GRIA4: variants seen among roughly 807,000 people sequenced by gnomAD.
GRIA4 encodes the protein glutamate ionotropic receptor AMPA type subunit 4.
Under a neutral mutation model 104.0 loss-of-function variants are expected in GRIA4, and 34 were observed. The ratio of observed to expected loss-of-function variants is 0.33; its 90% confidence interval spans 0.25 to 0.44. GRIA4 has a LOEUF of 0.44. Ranked by LOEUF, GRIA4 falls within the 20% of genes least tolerant of loss-of-function variation. The probability of loss-of-function intolerance (pLI) is 1.00; values close to 1 mark genes in which losing one functional copy is unlikely to be tolerated. For synonymous variants in GRIA4, 386 were observed against 381.9 expected (o/e 1.01, Z -0.13); for missense variants, 750 against 1,096.5 (o/e 0.68, Z 4.46).
At chr11:105,806,694 T>A (rs1942966427) in intron 4 of GRIA4, among the ~76,000 whole-genome samples, 1 of 151,692 alleles carries the variant, frequency 6.6e-6, no homozygotes, top group Non-Finnish European at 1.5e-5. Flanking sequence ...GTGAGCTTTT[T>A]AGTGCCTTAT....
At chr11:105,779,055 G>A (rs1355639891) in intron 4 of GRIA4, among the ~76,000 whole-genome samples, 18 of 149,520 alleles carry the variant, frequency 1.2e-4, no homozygotes, top group Non-Finnish European at 2.5e-4. Flanking sequence ...TTGTCCTTGC[G>A]ATAGTTTGCT....
At chr11:105,968,039 A>G (rs1302775058) in intron 14 of GRIA4, among the ~76,000 whole-genome samples, 2 of 152,236 alleles carry the variant, frequency 1.3e-5, no homozygotes, top group Non-Finnish European at 2.9e-5. Context: ...GTGTAAAACT[A>G]AAGCAGAAAA....
intron 13 of GRIA4, among the ~76,000 whole-genome samples, chr11:105,931,420 C>T (rs1329240473): frequency 6.6e-6 from 1 of 151,954 alleles, no homozygotes; most frequent in Non-Finnish European, 1.5e-5. Context: ...ATATAAGTTA[C>T]TGGCCAGGTG....
chr11:105,753,788 C>T (rs1051925159), intron 4 of GRIA4, among the ~76,000 whole-genome samples: 1 of 152,110 alleles, frequency 6.6e-6, no homozygotes, highest in Non-Finnish European at 1.5e-5. Context: ...TCAGGAAAAA[C>T]ACTTTACTTT....
At chr11:105,752,093 C>A (rs939622776) in intron 3 of GRIA4, among the ~76,000 whole-genome samples, 1 of 151,806 alleles carries the variant, frequency 6.6e-6, no homozygotes, top group Non-Finnish European at 1.5e-5. Context: ...GACCAGAAAT[C>A]AGTTATGTTA....
rs953347465 is a variant in GRIA4, at chr11:105,734,297, C to A, written c.248-18684C>A. On this transcript the variant is annotated intron_variant, in intron 3 of 16. Transcript: ENST00000282499. Reference sequence around the variant, plus strand: ...GCTAGAGACTGAGATGTAAATTTTGCCTAACACTCATGTGTAATTCATCAA... The same window carrying A: ...GCTAGAGACTGAGATGTAAATTTTGACTAACACTCATGTGTAATTCATCAA... 4.0e-5 allele frequency among the ~76,000 whole-genome samples: 6 copies of A among 151,832 alleles called. 1 individual carries two copies. In the South Asian group the frequency reaches 8.3e-4, roughly 21 times the overall value.
chr11:105,654,320 T>C (rs975534800), intron 3 of GRIA4, among the ~76,000 whole-genome samples: 7 of 151,876 alleles, frequency 4.6e-5, no homozygotes, highest in African/African-American at 1.5e-4. Context: ...TGACGATGTA[T>C]TGTATTCTTG....
chr11:105,652,673 T>G (rs527363259), intron 3 of GRIA4, among the ~76,000 whole-genome samples: 84 of 152,276 alleles, frequency 5.5e-4, no homozygotes, highest in Non-Finnish European at 9.6e-4. Flanking sequence ...TTATGACTCA[T>G]GCTGATTCAT....
intron 5 of GRIA4, among the ~76,000 whole-genome samples, chr11:105,868,573 AG>A (rs1945509496): frequency 6.6e-6 from 1 of 152,192 alleles, no homozygotes; most frequent in Non-Finnish European, 1.5e-5. Context: ...TACGTGTTTA[AG>A]GGAAGTCTTC....
chr11:105,805,478 G>GAAAAAAAAAAAAAAAAAAAAAAAA (rs57123559), intron 4 of GRIA4, among the ~76,000 whole-genome samples: 6 of 92,476 alleles, frequency 6.5e-5, no homozygotes, highest in African/African-American at 1.8e-4. Context: ...AAGAAATCAG[G>GAAAAAAAAAAAAAAAAAAAAAAAA]AAAAAAAAAA....
intron 14 of GRIA4, among the ~76,000 whole-genome samples, chr11:105,944,041 T>C (rs957204606): frequency 2.0e-5 from 3 of 152,160 alleles, no homozygotes; most frequent in Non-Finnish European, 2.9e-5. Context: ...AATTATATCA[T>C]GCCATATTTA....
intron 11 of GRIA4, among the ~76,000 whole-genome samples, chr11:105,920,887 A>T (rs780542610): frequency 6.6e-6 from 1 of 152,006 alleles, no homozygotes; most frequent in African/African-American, 2.4e-5. Context: ...GGTACTTTCC[A>T]TTTTGGTGTC....
rs1954020973 is a variant in GRIA4, at chr11:105,714,417, C to T, written c.248-38564C>T. On this transcript the variant is annotated intron_variant, in intron 3 of 16. Coordinates refer to ENST00000282499, the MANE Select transcript of GRIA4 (RefSeq NM_000829.4). ...TTTGAGATAATTTGGTTGAATGCTT[C>T]CCTACAATAAATAAGTGAATAAGTC... 3.9e-5 allele frequency among the ~76,000 whole-genome samples: 6 copies of T among 152,148 alleles called. No homozygotes were observed. The South Asian group carries it at 1.2e-3, about 32-fold the overall frequency.
chr11:105,861,985 T>C, intron 4 of GRIA4, 39 bp from the exon 5 acceptor site: 2 of 1,336,402 alleles, frequency 1.5e-6, no homozygotes, highest in Non-Finnish European at 2.1e-6. Flanking sequence ...TAAAGGGGAG[T>C]AAAAGCATGT....
chr11:105,757,450 T>C (rs895683660), intron 4 of GRIA4, among the ~76,000 whole-genome samples: 5 of 151,940 alleles, frequency 3.3e-5, no homozygotes, highest in Non-Finnish European at 7.4e-5. Flanking sequence ...ACAAGGGTAG[T>C]CAAAGGAAGA....
intron 3 of GRIA4, among the ~76,000 whole-genome samples, chr11:105,669,622 T>C (rs181177115): frequency 1.2e-4 from 18 of 152,246 alleles, no homozygotes; most frequent in African/African-American, 4.3e-4. Flanking sequence ...TCACACTTTG[T>C]GGTTTACCTG....
At chr11:105,634,468 GGAAAGAAAGAAAGAAAGAAAGAAA>G (rs751748317) in intron 3 of GRIA4, among the ~76,000 whole-genome samples, 3 of 94,298 alleles carry the variant, frequency 3.2e-5, no homozygotes, top group African/African-American at 1.2e-4. Flanking sequence ...AGAAAGAAAG[GGAAAGAAAGAAAGAAAGAAAGAAA>G]GAAAGAAAGA....
At chr11:105,682,523 A>ATGGT (rs1952743741) in intron 3 of GRIA4, among the ~76,000 whole-genome samples, 1 of 152,220 alleles carries the variant, frequency 6.6e-6, no homozygotes. Flanking sequence ...GGCAGTACTT[A>ATGGT]TGGTTTAACA....
chr11:105,720,429 C>A (rs1354553795), intron 3 of GRIA4, among the ~76,000 whole-genome samples: 4 of 151,980 alleles, frequency 2.6e-5, no homozygotes, highest in South Asian at 2.1e-4. Flanking sequence ...TCTATCCAAA[C>A]CGAGAAAAGA....
Sources: gnomAD v4.1 joint callset for allele counts (sites outside exome capture counted in the v4.1 genomes callset) on GRCh38, gnomAD v4.1.1 for gene constraint, MANE v1.5 for transcripts, NCBI Gene and HGNC (gene_info 2026-07-23, HGNC 2026-07-21) for gene names.